Variants in BCO1 observed in about 807,000 individuals in gnomAD.
The protein encoded by BCO1 is beta,beta-carotene 15,15'-dioxygenase.
In BCO1, 54 loss-of-function variants were observed where a neutral mutation model predicts 56.3. The ratio of observed to expected loss-of-function variants is 0.96; its 90% CI spans 0.77 to 1.20. The LOEUF (loss-of-function observed/expected upper bound fraction) is 1.20, where lower values mean the gene tolerates loss of function less well. BCO1 is among the 50% of genes most tolerant of loss of function. The pLI is 0.00. For synonymous variants in BCO1, 318 were observed against 266.1 expected (o/e 1.20, Z -1.90); for missense variants, 801 against 690.9 (o/e 1.16, Z -1.79).
At chr16:81,277,870 G>C (rs545369482) in intron 7 of BCO1, among the ~76,000 whole-genome samples, 3 of 152,098 alleles carry the variant, frequency 2.0e-5, no homozygotes, top group African/African-American at 7.2e-5. Context: ...CAACCAGTCC[G>C]ACCAGTTTGG....
At position 81,259,706 on chromosome 16, in the gene BCO1, G is replaced by C. The variant is rs909766540; in HGVS notation, c.224G>C (p.Arg75Thr). The change falls in exon 3 of 11, where the codon AGA becomes ACA. Residue 75 changes from arginine to threonine, a missense_variant. Arg to Thr is a moderately conservative substitution (Grantham distance 71). Transcript: ENST00000258168. Reference protein sequence around the residue: ...GEVYYRSKYLRSDTYNTNIEA... With the variant: ...GEVYYRSKYLTSDTYNTNIEA... ...GTCTATTACAGGAGCAAATACCTGA[G>C]AAGCGATACCTACAACACCAATATT... The C allele has an allele frequency of 1.2e-6, 2 of 1,614,222 alleles. No homozygotes were observed. Among genetic ancestry groups the C allele is most frequent in the Non-Finnish European group, 1.7e-6 (2 of 1,180,040 alleles).
Position 81,287,338 on chromosome 16 carries a change from G to T in BCO1, c.1346G>T (p.Arg449Ile), listed in dbSNP as rs763651894. The change falls in exon 10 of 11, where the codon AGA (arginine) becomes ATA (isoleucine). Residue 449 changes from arginine to isoleucine, a missense_variant. Coordinates refer to ENST00000258168, the MANE Select transcript of BCO1 (RefSeq NM_017429.3). ...DILTKSSLKWREDDCWPAEPL... is the reference protein window; with the variant it reads ...DILTKSSLKWIEDDCWPAEPL... ...CTCACAAAGTCATCCTTAAAATGGA[G>T]AGAGGACGACTGCTGGCCAGCGGAA... is the stretch of plus-strand genomic sequence containing the variant. 1 of 1,614,128 alleles carries T rather than the reference G, an allele frequency of 6.2e-7. No homozygotes were observed. The highest frequency in any genetic ancestry group is 1.1e-5 in the South Asian group (1 of 91,084).
At chr16:81,253,342 CTCAAA>C (rs1905927703) in intron 2 of BCO1, among the ~76,000 whole-genome samples, 1 of 152,148 alleles carries the variant, frequency 6.6e-6, no homozygotes, top group Non-Finnish European at 1.5e-5. Flanking sequence ...CTTTGCAAGC[CTCAAA>C]TGTCACGTGA....
At chr16:81,250,739 C>A (rs1218628864) in intron 2 of BCO1, among the ~76,000 whole-genome samples, 1 of 151,984 alleles carries the variant, frequency 6.6e-6, no homozygotes, top group Non-Finnish European at 1.5e-5. Flanking sequence ...AGCCACCATG[C>A]CCAGCTAATT....
chr16:81,274,603 G>C (rs1567460210), intron 7 of BCO1, among the ~76,000 whole-genome samples: 2 of 150,354 alleles, frequency 1.3e-5, no homozygotes, highest in Non-Finnish European at 3.0e-5. Flanking sequence ...AGGTGTTCAG[G>C]CACAGTGGCT....
In BCO1 at chr16:81,285,612, A is replaced by G. The variant is rs780433756; in HGVS notation, c.1280A>G (p.Gln427Arg). The change falls in exon 9 of 11, where the codon CAG (glutamine) becomes CGG (arginine). Residue 427 changes from glutamine (Q) to arginine (R), a missense_variant. By Grantham distance (43) the Gln-to-Arg change is conservative. Coordinates refer to ENST00000258168, the MANE Select transcript of BCO1 (RefSeq NM_017429.3). ...CGATATGTCTTTGCTACAGGAGTTC[A>G]GTGGAGTCCAATCCCAACCAAGGTA... ...QYRYVFATGVQWSPIPTKIIK... is the reference protein window; with the variant it reads ...QYRYVFATGVRWSPIPTKIIK... 3.7e-6 allele frequency: 6 copies of G among 1,611,396 alleles called. No individual in the cohort carries two copies. The highest frequency in any genetic ancestry group is 3.3e-5 in the Admixed American group (2 of 60,004).
intron 8 of BCO1, among the ~76,000 whole-genome samples, chr16:81,281,656 A>C (rs2150641365): frequency 6.6e-6 from 1 of 152,290 alleles, no homozygotes; most frequent in East Asian, 1.9e-4. Context: ...CTTGAGGTAC[A>C]CACAGAAAGC....
chr16:81,266,231 G>A (rs1054254571), intron 5 of BCO1, among the ~76,000 whole-genome samples: 3 of 152,184 alleles, frequency 2.0e-5, no homozygotes, highest in Admixed American at 2.0e-4. Flanking sequence ...ATGTGGGGCT[G>A]GGATCTTGGA....
In BCO1 at chr16:81,259,711, G is replaced by A. The variant is rs200423956; in HGVS notation, c.229G>A (p.Asp77Asn). 154 of 1,614,044 alleles carry A rather than the reference G, an allele frequency of 9.5e-5. No homozygotes were observed. The highest frequency in any genetic ancestry group is 3.3e-4 in the Admixed American group (20 of 59,996). ...TTACAGGAGCAAATACCTGAGAAGCGATACCTACAACACCAATATTGAGGC... is the reference window on the plus strand; with the variant it reads ...TTACAGGAGCAAATACCTGAGAAGCAATACCTACAACACCAATATTGAGGC... ...VYYRSKYLRS[D>N]TYNTNIEANR... is the part of the protein sequence containing the mutation. Residue 77 changes from aspartate (D) to asparagine (N), a missense_variant, in exon 3 of 11, where the codon GAT (aspartate) becomes AAT (asparagine). Coordinates refer to ENST00000258168, the MANE Select transcript of BCO1 (RefSeq NM_017429.3).
At chr16:81,271,185 G>T (rs918806112) in intron 7 of BCO1, among the ~76,000 whole-genome samples, 6 of 151,808 alleles carry the variant, frequency 4.0e-5, no homozygotes, top group African/African-American at 1.5e-4. Context: ...CATGATCTAA[G>T]CTCACTGCAA....
chr16:81,247,078 T>C (rs1905470434), intron 2 of BCO1, among the ~76,000 whole-genome samples: 1 of 152,132 alleles, frequency 6.6e-6, no homozygotes, highest in South Asian at 2.1e-4. Context: ...ATTGAGCCAG[T>C]TTATGCTACA....
rs573043047 is a variant in BCO1, at chr16:81,274,303, G to A, written c.1101+3887G>A. Among the ~76,000 whole-genome samples, 312 of 121,368 alleles carry A rather than the reference G, an allele frequency of 2.6e-3. 1 individual carries two copies. The highest frequency in any genetic ancestry group is 0.012 in the South Asian group (46 of 3,786). The allele number at this position is 121,368 out of a possible 152,430, so 79.6% of individuals were successfully genotyped here. On this transcript the variant is annotated intron_variant, in intron 7 of 10. Transcript: ENST00000258168. ...TTTTGAGACAGAGTCTCGCTCTGTC[G>A]CCCAGGCTGGAGTGCAGTGGCGTGA...
chr16:81,242,151 G>A (rs917392675), intron 1 of BCO1, among the ~76,000 whole-genome samples: 6 of 149,870 alleles, frequency 4.0e-5, no homozygotes, highest in African/African-American at 9.9e-5. Flanking sequence ...TGTGCCTGGC[G>A]CCACGATTAT....
intron 2 of BCO1, among the ~76,000 whole-genome samples, chr16:81,257,295 C>T (rs1398223299): frequency 6.6e-6 from 1 of 151,978 alleles, no homozygotes; most frequent in East Asian, 2.0e-4. Context: ...GACGGGGTCT[C>T]GCTCTGTCGT....
intron 7 of BCO1, among the ~76,000 whole-genome samples, chr16:81,279,071 G>C (rs1024381172): frequency 1.3e-5 from 2 of 151,546 alleles, no homozygotes; most frequent in Non-Finnish European, 2.9e-5. Context: ...GAGCCCAGGA[G>C]TTCGAGACCA....
chr16:81,266,862 C>A (rs1309524784), intron 5 of BCO1, among the ~76,000 whole-genome samples: 1 of 152,194 alleles, frequency 6.6e-6, no homozygotes. Context: ...GCATTGTGTT[C>A]CATTTGTTTT....
intron 5 of BCO1, 58 bp downstream of exon 5, chr16:81,264,845 A>G: frequency 1.3e-6 from 2 of 1,596,886 alleles, no homozygotes; most frequent in Non-Finnish European, 1.7e-6. Flanking sequence ...CTTCTTCTGA[A>G]GAGTTCTGTT....
intron 7 of BCO1, 149 bp downstream of exon 7, chr16:81,270,565 A>G (rs1277752227): frequency 8.4e-6 from 9 of 1,073,778 alleles, no homozygotes; most frequent in Non-Finnish European, 1.3e-6. Context: ...CCAAAGTAGT[A>G]CCGATTCATA....
chr16:81,245,752 C>A, intron 2 of BCO1, 149 bp downstream of exon 2: 1 of 997,228 alleles, frequency 1.0e-6, no homozygotes, highest in Non-Finnish European at 1.5e-6. Context: ...GTTCATAGGG[C>A]CACATTCAGT....
Sources: gnomAD v4.1 joint callset for allele counts (sites outside exome capture counted in the v4.1 genomes callset) on GRCh38, gnomAD v4.1.1 for gene constraint, MANE v1.5 for transcripts, NCBI Gene and HGNC (gene_info 2026-07-23, HGNC 2026-07-21) for gene names.